Variants in DRD2 observed in about 807,000 individuals in gnomAD.
DRD2 encodes D(2) dopamine receptor.
DRD2 carries 8 observed loss-of-function variants against 38.0 expected under a neutral mutation model. The ratio of observed to expected loss-of-function variants is 0.21; its 90% confidence interval spans 0.12 to 0.38. The LOEUF (loss-of-function observed/expected upper bound fraction) is 0.38, where lower values mean the gene tolerates loss of function less well. Among genes scored for constraint, DRD2 ranks in the 10% least tolerant of loss-of-function variants. The probability of loss-of-function intolerance (pLI) is 1.00; values close to 1 mark genes in which losing one functional copy is unlikely to be tolerated. For missense variants in DRD2, 403 were observed against 607.7 expected (o/e 0.66, Z 3.54); for synonymous variants, 230 against 238.6 (o/e 0.96, Z 0.33).
At chr11:113,465,426 G>A (rs1333484561) in intron 1 of DRD2, among the ~76,000 whole-genome samples, 1 of 151,888 alleles carries the variant, frequency 6.6e-6, no homozygotes. Context: ...TTGTTTGTTT[G>A]TTTGTTTGTT....
At chr11:113,457,887 C>A (rs950264149) in intron 1 of DRD2, among the ~76,000 whole-genome samples, 1 of 152,262 alleles carries the variant, frequency 6.6e-6, no homozygotes, top group African/African-American at 2.4e-5. Flanking sequence ...TATGTCCCAG[C>A]CCTGGAAGCT....
chr11:113,447,057 G>A (rs1185229624), intron 1 of DRD2, among the ~76,000 whole-genome samples: 1 of 152,198 alleles, frequency 6.6e-6, no homozygotes, highest in Non-Finnish European at 1.5e-5. Flanking sequence ...ACTCAGATCT[G>A]TGTAGATGCC....
chr11:113,439,183 T>A lies in DRD2; in HGVS notation c.-31-14501A>T, dbSNP rs1055709967. ...TTGCTCTGCATCTGTCCTTTCTGTCTGATGCATCTGTGAGCCTTAATGGGC... is the reference window on the plus strand; with the variant it reads ...TTGCTCTGCATCTGTCCTTTCTGTCAGATGCATCTGTGAGCCTTAATGGGC... On this transcript the variant is annotated intron_variant, in intron 1 of 7. Transcript: ENST00000362072. Among the ~76,000 whole-genome samples the A allele has an allele frequency of 2.0e-5, 3 of 152,234 alleles. No individual in the cohort carries two copies. In the South Asian group the frequency reaches 6.2e-4, roughly 31 times the overall value.
At chr11:113,471,352 C>T (rs914869008) in intron 1 of DRD2, among the ~76,000 whole-genome samples, 1 of 152,190 alleles carries the variant, frequency 6.6e-6, no homozygotes, top group Non-Finnish European at 1.5e-5. Flanking sequence ...TAGTCTACTG[C>T]TCAAATTGGT....
intron 1 of DRD2, among the ~76,000 whole-genome samples, chr11:113,430,746 C>T (rs1950978191): frequency 6.6e-6 from 1 of 152,192 alleles, no homozygotes; most frequent in South Asian, 2.1e-4. Flanking sequence ...CAGTGCTGCT[C>T]CAGTTACGCT....
intron 1 of DRD2, among the ~76,000 whole-genome samples, chr11:113,440,921 A>G (rs1951084594): frequency 6.6e-6 from 1 of 152,182 alleles, no homozygotes; most frequent in Non-Finnish European, 1.5e-5. Context: ...CAAACAACAT[A>G]ATGTTGCTAA....
intron 1 of DRD2, among the ~76,000 whole-genome samples, chr11:113,470,075 T>C (rs1348577175): frequency 6.6e-6 from 1 of 152,192 alleles, no homozygotes; most frequent in Non-Finnish European, 1.5e-5. Context: ...TAGGGAAGCC[T>C]GGTACTAAGC....
chr11:113,418,200 C>T (rs1184006474), intron 2 of DRD2, 64 bp from the exon 3 acceptor site: 1 of 1,350,324 alleles, frequency 7.4e-7, no homozygotes. Flanking sequence ...GTCCTGTAGC[C>T]TGGTACTCCT....
chr11:113,415,287 G>A (rs550561280), intron 5 of DRD2, 134 bp downstream of exon 5: 52 of 1,187,072 alleles, frequency 4.4e-5, no homozygotes, highest in Non-Finnish European at 5.8e-5. Flanking sequence ...GCCCTTGCCC[G>A]GCTCCTGGGA....
chr11:113,443,405 A>G (rs1327358781), intron 1 of DRD2, among the ~76,000 whole-genome samples: 1 of 152,200 alleles, frequency 6.6e-6, no homozygotes, highest in Non-Finnish European at 1.5e-5. Flanking sequence ...CTCCTGGGGT[A>G]TCCAGCGCAT....
At chr11:113,419,471 CAT>C (rs1555165134) in intron 2 of DRD2, among the ~76,000 whole-genome samples, 2 of 150,338 alleles carry the variant, frequency 1.3e-5, no homozygotes, top group African/African-American at 2.5e-5. Flanking sequence ...CACACACACA[CAT>C]GAACGCACCG....
intron 1 of DRD2, among the ~76,000 whole-genome samples, chr11:113,432,864 G>C (rs562103165): frequency 1.3e-5 from 2 of 152,230 alleles, no homozygotes; most frequent in Non-Finnish European, 1.5e-5. Flanking sequence ...AAGGTGGTGC[G>C]CCCGTTCCTT....
intron 2 of DRD2, among the ~76,000 whole-genome samples, chr11:113,422,929 G>A (rs1477532914): frequency 6.6e-6 from 1 of 152,128 alleles, no homozygotes. Flanking sequence ...CAGAGGCACT[G>A]GTCAATTCCT....
intron 1 of DRD2, among the ~76,000 whole-genome samples, chr11:113,434,507 T>C (rs999044088): frequency 6.6e-6 from 1 of 152,130 alleles, no homozygotes. Context: ...GCCCAGCTGG[T>C]TCGGGTCCTT....
chr11:113,455,145 G>A lies in DRD2; in HGVS notation c.-32+19931C>T, dbSNP rs530428452. Among the ~76,000 whole-genome samples the A allele has an allele frequency of 3.9e-5, 6 of 152,126 alleles. No homozygotes were observed. The South Asian group carries it at 6.2e-4, about 16-fold the overall frequency. On this transcript the variant is annotated intron_variant, in intron 1 of 7. Coordinates refer to ENST00000362072, the MANE Select transcript of DRD2 (RefSeq NM_000795.4). Reference sequence around the variant, plus strand: ...GGATGGATCACGAGGTCAGGAGTTCGAGACCATCTTGGCCAACATGGTGAG... The same window carrying A: ...GGATGGATCACGAGGTCAGGAGTTCAAGACCATCTTGGCCAACATGGTGAG...
chr11:113,432,288 TTCTCTCTCTCTCTCTC>T (rs56097058), intron 1 of DRD2, among the ~76,000 whole-genome samples: 1 of 136,256 alleles, frequency 7.3e-6, no homozygotes, highest in African/African-American at 2.8e-5. Flanking sequence ...GATCCTCTCT[TTCTCTCTCTCTCTCTC>T]TCTCTCTCTC....
At chr11:113,474,736 T>G (rs2120028702) in intron 1 of DRD2, among the ~76,000 whole-genome samples, 1 of 151,238 alleles carries the variant, frequency 6.6e-6, no homozygotes. Context: ...GCGGCCTCCC[T>G]CCCGCCCTCC....
At chr11:113,469,630 G>A (rs936627753) in intron 1 of DRD2, among the ~76,000 whole-genome samples, 1 of 152,118 alleles carries the variant, frequency 6.6e-6, no homozygotes, top group Admixed American at 6.6e-5. Context: ...GAAGCCAGGA[G>A]TTCAAGACCA....
At chr11:113,468,316 G>T (rs1002145311) in intron 1 of DRD2, among the ~76,000 whole-genome samples, 2 of 152,266 alleles carry the variant, frequency 1.3e-5, no homozygotes, top group East Asian at 3.9e-4. Context: ...TTTTTAAAGG[G>T]TTTAAATAGG....
Sources: allele counts gnomAD v4.1 joint callset (sites outside exome capture counted in the v4.1 genomes callset), GRCh38; gene constraint gnomAD v4.1.1; transcripts MANE v1.5; gene names NCBI Gene and HGNC (gene_info 2026-07-23, HGNC 2026-07-21).